ELF5: variants seen among roughly 807,000 people sequenced by gnomAD.
ELF5 encodes the protein E74 like ETS transcription factor 5, also known as ETS-related transcription factor Elf-5.
ELF5 carries 31 observed loss-of-function variants against 38.2 expected under a neutral mutation model. The observed-to-expected ratio is 0.81, with a 90% CI of 0.61 to 1.10. ELF5 has a LOEUF of 1.10. ELF5 is among the 50% of genes least tolerant of loss of function. The pLI is 0.00. For missense variants in ELF5, 300 were observed against 306.6 expected (o/e 0.98, Z 0.16); for synonymous variants, 121 against 112.5 (o/e 1.08, Z -0.48).
intron 2 of ELF5, among the ~76,000 whole-genome samples, chr11:34,500,755 A>T (rs1850444756): frequency 6.6e-6 from 1 of 152,236 alleles, no homozygotes; most frequent in Non-Finnish European, 1.5e-5. Flanking sequence ...AGAAGTTCTT[A>T]GATTCTTTCC....
intron 2 of ELF5, among the ~76,000 whole-genome samples, chr11:34,504,426 T>C (rs1317193601): frequency 6.6e-6 from 1 of 152,166 alleles, no homozygotes; most frequent in Non-Finnish European, 1.5e-5. Context: ...CGCGTGTGTG[T>C]ATGTGTGTCC....
chr11:34,509,615 A>G (rs958106), intron 1 of ELF5, among the ~76,000 whole-genome samples: 89 of 125,776 alleles, frequency 7.1e-4, no homozygotes, highest in Middle Eastern at 4.1e-3. Flanking sequence ...ATCCTGAGTG[A>G]GGGGGGCAGG....
chr11:34,505,155 A>G (rs775984504), intron 2 of ELF5, among the ~76,000 whole-genome samples: 3 of 152,134 alleles, frequency 2.0e-5, no homozygotes, highest in Admixed American at 6.5e-5. Flanking sequence ...CATGTATAAA[A>G]TGGGGATAAT....
intron 4 of ELF5, among the ~76,000 whole-genome samples, chr11:34,484,668 C>T (rs951006314): frequency 2.6e-5 from 4 of 152,094 alleles, no homozygotes; most frequent in African/African-American, 4.8e-5. Flanking sequence ...CATGTCACCT[C>T]GCCAGCTGAA....
chr11:34,509,284 T>C (rs1370896019), intron 1 of ELF5, among the ~76,000 whole-genome samples: 3 of 152,090 alleles, frequency 2.0e-5, no homozygotes, highest in Admixed American at 6.6e-5. Flanking sequence ...GCTGAGATCG[T>C]GCCACTGCAC....
intron 1 of ELF5, among the ~76,000 whole-genome samples, chr11:34,508,865 C>G (rs1850678981): frequency 6.6e-6 from 1 of 152,230 alleles, no homozygotes; most frequent in Admixed American, 6.5e-5. Context: ...AGTTTTCTGA[C>G]TCTCAGCCCA....
At chr11:34,480,524 T>C (rs1238329386) in intron 6 of ELF5, among the ~76,000 whole-genome samples, 1 of 152,142 alleles carries the variant, frequency 6.6e-6, no homozygotes, top group Non-Finnish European at 1.5e-5. Flanking sequence ...AACGTGTTTT[T>C]CTTTGTGTGT....
intron 4 of ELF5, among the ~76,000 whole-genome samples, chr11:34,485,404 T>A (rs887984646): frequency 1.3e-5 from 2 of 152,238 alleles, no homozygotes; most frequent in African/African-American, 4.8e-5. Context: ...CAGATCGATC[T>A]GTTGTTTTGA....
In ELF5 at chr11:34,480,239, C is replaced by G; in HGVS notation, c.747G>C (p.Gly249=). 6.2e-7 allele frequency: 1 copy of G among 1,614,060 alleles called. No individual in the cohort carries two copies. The highest frequency in any genetic ancestry group is 8.5e-7 in the Non-Finnish European group (1 of 1,179,954). Residue 249 remains glycine, a synonymous_variant, in exon 7 of 7, where the codon GGG becomes GGC. Transcript: ENST00000257832. ...LVYKFGKNAH[G]WQEDKL is the part of the protein sequence containing the mutation. Reference sequence around the variant, plus strand: ...CAGATCATAGCTTGTCTTCCTGCCACCCGTGTGCATTTTTTCCAAATTTGT... The same window carrying G: ...CAGATCATAGCTTGTCTTCCTGCCAGCCGTGTGCATTTTTTCCAAATTTGT...
At chr11:34,489,931 A>G in intron 4 of ELF5, 78 bp downstream of exon 4, 2 of 1,531,436 alleles carry the variant, frequency 1.3e-6, no homozygotes, top group Non-Finnish European at 1.8e-6. Flanking sequence ...TTTCAGTATG[A>G]TCCTAAAAGA....
At chr11:34,496,514 G>A (rs1045454302) in intron 2 of ELF5, among the ~76,000 whole-genome samples, 2 of 152,192 alleles carry the variant, frequency 1.3e-5, no homozygotes, top group Admixed American at 6.5e-5. Context: ...GAGGCTCCAC[G>A]GCCCAGAGTC....
At position 34,479,860 on chromosome 11, in the gene ELF5, A is replaced by G. The variant is rs1590316603; in HGVS notation, c.*358T>C. 1 of 185,838 alleles carries G rather than the reference A, an allele frequency of 5.4e-6. No individual in the cohort carries two copies. The highest frequency in any genetic ancestry group is 1.1e-5 in the Non-Finnish European group (1 of 90,044). 11.5% of individuals were successfully genotyped at this position (185,838 alleles called of 1,614,324 possible). ...ATTTGAAAACTTTTGAACCTTTGGG[A>G]TGGGAGCATTGGATGTGTCTCTAAT... On this transcript the variant is annotated 3_prime_UTR_variant, in exon 7 of 7. Transcript: ENST00000257832.
chr11:34,492,553 A>T (rs182423075), intron 3 of ELF5: 1 of 152,352 alleles, frequency 6.6e-6, no homozygotes, highest in East Asian at 1.9e-4. Context: ...TTCCTTTAAC[A>T]TCCTATAATA....
In ELF5 at chr11:34,483,004, T is replaced by C. The variant is rs116755091; in HGVS notation, c.407-505A>G. On this transcript the variant is annotated intron_variant, in intron 4 of 6. Transcript: ENST00000257832. The stretch of plus-strand genomic sequence containing the variant: ...AAGCATTGCCAGAGTAGTATATGAG[T>C]TTTTAAAATGGTGGCACCAGATCTG... 4.1e-3 allele frequency among the ~76,000 whole-genome samples: 626 copies of C among 151,622 alleles called. 6 individuals are homozygous for C. The highest frequency in any genetic ancestry group is 0.014 in the African/African-American group (591 of 41,288).
At chr11:34,497,916 TAAGAC>T (rs1338919698) in intron 2 of ELF5, among the ~76,000 whole-genome samples, 1 of 152,236 alleles carries the variant, frequency 6.6e-6, no homozygotes, top group Non-Finnish European at 1.5e-5. Flanking sequence ...GTGGGCATGC[TAAGAC>T]TTTGAAGGAT....
At chr11:34,480,739 G>A in intron 6 of ELF5, 33 bp downstream of exon 6, 1 of 1,603,206 alleles carries the variant, frequency 6.2e-7, no homozygotes, top group Middle Eastern at 1.7e-4. Context: ...AACTCTTCTT[G>A]AAGGCTCATA....
chr11:34,484,214 G>T (rs1286628665), intron 4 of ELF5, among the ~76,000 whole-genome samples: 2 of 148,244 alleles, frequency 1.3e-5, no homozygotes, highest in African/African-American at 5.0e-5. Context: ...TAACTATACT[G>T]CACTGTACCA....
rs780362758 is a variant in ELF5 at position 34,480,799 on chromosome 11, G to A, written c.644C>T (p.Thr215Ile). The change falls in exon 6 of 7, where the codon ACA (threonine) becomes ATA (isoleucine). Residue 215 changes from threonine (T) to isoleucine (I), a missense_variant. Thr to Ile is a moderately conservative substitution (Grantham distance 89, BLOSUM62 -1). Coordinates refer to ENST00000257832, the MANE Select transcript of ELF5 (RefSeq NM_001422.4). ...WGQRKKNDRM[T>I]YEKLSRALRY... ...CAGGGCTCTGCTCAACTTTTCATATGTCATTCTGTCATTTTTCTTCCTTTG... is the reference window on the plus strand; with the variant it reads ...CAGGGCTCTGCTCAACTTTTCATATATCATTCTGTCATTTTTCTTCCTTTG... 7.4e-6 allele frequency: 12 copies of A among 1,613,896 alleles called. No homozygotes were observed. The highest frequency in any genetic ancestry group is 3.3e-4 in the Middle Eastern group (2 of 6,060).
At chr11:34,481,049 G>A in intron 5 of ELF5, 82 bp from the exon 6 acceptor site, 1 of 1,125,668 alleles carries the variant, frequency 8.9e-7, no homozygotes, top group South Asian at 2.4e-5. Context: ...TTGAGACAGA[G>A]TCTTGCTCTG....
Sources: gnomAD v4.1 joint callset for allele counts (sites outside exome capture counted in the v4.1 genomes callset) on GRCh38, gnomAD v4.1.1 for gene constraint, MANE v1.5 for transcripts, NCBI Gene and HGNC (gene_info 2026-07-23, HGNC 2026-07-21) for gene names.